CSMD1: variants seen among roughly 807,000 people sequenced by gnomAD.
The protein encoded by CSMD1 is CUB and sushi domain-containing protein 1.
A neutral mutation model predicts 417.5 loss-of-function variants in CSMD1; 213 were observed. That is an observed-to-expected ratio of 0.51 (90% CI 0.46 to 0.57). CSMD1 has a LOEUF of 0.57. Ranked by LOEUF, CSMD1 falls within the 20% of genes least tolerant of loss-of-function variation. The pLI, the probability that CSMD1 is intolerant of heterozygous loss-of-function variation, is 0.00. For missense variants in CSMD1, 6,923 were observed against 4,529.7 expected (o/e 1.53, Z -15.17); for synonymous variants, 2,862 against 1,736.8 (o/e 1.65, Z -16.11).
chr8:4,304,122 A>G (rs1358216934), intron 3 of CSMD1, among the ~76,000 whole-genome samples: 1 of 152,202 alleles, frequency 6.6e-6, no homozygotes, highest in Non-Finnish European at 1.5e-5. Context: ...ACTGTTATTT[A>G]GGCTACTATT....
chr8:4,363,705 A>T lies in CSMD1; in HGVS notation c.415+56248T>A, dbSNP rs150844706. Among the ~76,000 whole-genome samples the T allele has an allele frequency of 4.6e-5, 7 of 152,342 alleles. No individual in the cohort carries two copies. The East Asian group carries it at 1.4e-3, about 29-fold the overall frequency. On this transcript the variant is annotated intron_variant, in intron 3 of 69. Coordinates refer to ENST00000635120, the MANE Select transcript of CSMD1 (RefSeq NM_033225.6). Reference sequence around the variant, plus strand: ...TCTGTGCCTGGTTATTTCACTTAACAAAGTGACTTCTAGTTCCACCCATGT... The same window carrying T: ...TCTGTGCCTGGTTATTTCACTTAACTAAGTGACTTCTAGTTCCACCCATGT...
chr8:3,959,156 G>C (rs184760311), intron 5 of CSMD1, among the ~76,000 whole-genome samples: 141 of 152,268 alleles, frequency 9.3e-4, no homozygotes, highest in Non-Finnish European at 1.5e-3. Flanking sequence ...AGCATAATTT[G>C]AGTATAAGAA....
At chr8:4,381,870 G>A (rs919324853) in intron 3 of CSMD1, among the ~76,000 whole-genome samples, 12 of 151,992 alleles carry the variant, frequency 7.9e-5, no homozygotes, top group South Asian at 2.1e-4. Context: ...CTCTCTTTGC[G>A]GACCTTTTTG....
intron 10 of CSMD1, among the ~76,000 whole-genome samples, chr8:3,534,987 G>T (rs527799846): frequency 1.3e-5 from 2 of 152,058 alleles, no homozygotes; most frequent in Non-Finnish European, 2.9e-5. Flanking sequence ...TGGCTTTGTC[G>T]CCCAGGCTGG....
chr8:3,761,500 A>ATTTTTTTTTTTTTTTTTTTTTTTTT, intron 5 of CSMD1, among the ~76,000 whole-genome samples: 1 of 93,364 alleles, frequency 1.1e-5, no homozygotes, highest in Non-Finnish European at 2.0e-5. Context: ...CAAAACGACC[A>ATTTTTTTTTTTTTTTTTTTTTTTTT]TTTTTTTTTT....
At chr8:3,130,676 AGC>A (rs1050416921) in intron 41 of CSMD1, among the ~76,000 whole-genome samples, 1 of 151,686 alleles carries the variant, frequency 6.6e-6, no homozygotes, top group Non-Finnish European at 1.5e-5. Flanking sequence ...AACTCTTCCT[AGC>A]ACGTGCAGCC....
At chr8:4,433,265 A>G (rs542316316) in intron 2 of CSMD1, among the ~76,000 whole-genome samples, 1 of 152,190 alleles carries the variant, frequency 6.6e-6, no homozygotes, top group African/African-American at 2.4e-5. Context: ...TGACCCCGAA[A>G]CCATTTCCTC....
chr8:3,724,989 C>T (rs888168092), intron 6 of CSMD1, among the ~76,000 whole-genome samples: 3 of 152,132 alleles, frequency 2.0e-5, no homozygotes, highest in Non-Finnish European at 2.9e-5. Context: ...TGTTTGGTAT[C>T]CTAATATTTT....
rs545572913 is a variant in CSMD1, at chr8:4,608,549, A to G, written c.302+28793T>C. 7.9e-5 allele frequency among the ~76,000 whole-genome samples: 12 copies of G among 152,350 alleles called. 1 individual carries two copies. The South Asian group carries it at 2.3e-3, about 29-fold the overall frequency. ...ATAAGAGACGCCAGTACTGTCATTA[A>G]CAATTATTCTGCTCCATCGTCAAGA... On this transcript the variant is annotated intron_variant, in intron 2 of 69. Transcript: ENST00000635120.
chr8:3,412,590 C>G (rs1042153911), intron 12 of CSMD1, among the ~76,000 whole-genome samples: 2 of 152,110 alleles, frequency 1.3e-5, no homozygotes, highest in African/African-American at 2.4e-5. Flanking sequence ...AGCAGAAGAG[C>G]ACACACACAA....
intron 5 of CSMD1, among the ~76,000 whole-genome samples, chr8:3,966,220 T>C (rs78258642): frequency 0.043 from 6,486 of 152,244 alleles, 160 homozygotes; most frequent in Middle Eastern, 0.072. Context: ...TGCCAGCTTA[T>C]TGGCTAAATG....
chr8:3,295,568 C>T (rs1038975318), intron 25 of CSMD1, among the ~76,000 whole-genome samples: 1 of 152,304 alleles, frequency 6.6e-6, no homozygotes, highest in South Asian at 2.1e-4. Context: ...TTAATTTTGA[C>T]ACGTGGTACC....
At chr8:3,287,407 C>T (rs1803241049) in intron 25 of CSMD1, among the ~76,000 whole-genome samples, 1 of 152,100 alleles carries the variant, frequency 6.6e-6, no homozygotes, top group Non-Finnish European at 1.5e-5. Context: ...TGGCCATTTT[C>T]ACAATATTGA....
intron 5 of CSMD1, among the ~76,000 whole-genome samples, chr8:3,871,762 G>C (rs932602183): frequency 6.6e-6 from 1 of 152,148 alleles, no homozygotes; most frequent in Non-Finnish European, 1.5e-5. Context: ...TGGGTAAAAT[G>C]GTGGATGACA....
At chr8:3,800,421 C>T (rs1215587869) in intron 5 of CSMD1, among the ~76,000 whole-genome samples, 1 of 152,140 alleles carries the variant, frequency 6.6e-6, no homozygotes, top group East Asian at 1.9e-4. Context: ...CTGTGAAGTG[C>T]TTGAGAAATA....
At chr8:3,311,857 T>TA in intron 23 of CSMD1, among the ~76,000 whole-genome samples, 1 of 152,320 alleles carries the variant, frequency 6.6e-6, no homozygotes, top group Non-Finnish European at 1.5e-5. Context: ...ACAAATTGTT[T>TA]CAGTAGTTTA....
chr8:3,386,091 A>G (rs767735608), intron 18 of CSMD1, among the ~76,000 whole-genome samples: 15 of 152,222 alleles, frequency 9.9e-5, no homozygotes, highest in Non-Finnish European at 1.5e-4. Context: ...TGTCTAAATT[A>G]CCTTGGTGCT....
chr8:3,256,045 G>C (rs373655497), intron 26 of CSMD1, among the ~76,000 whole-genome samples: 1 of 152,132 alleles, frequency 6.6e-6, no homozygotes, highest in Non-Finnish European at 1.5e-5. Flanking sequence ...GACAATGACT[G>C]AGCCGGGTGA....
At chr8:3,779,244 A>G (rs1799050781) in intron 5 of CSMD1, among the ~76,000 whole-genome samples, 1 of 151,856 alleles carries the variant, frequency 6.6e-6, no homozygotes, top group South Asian at 2.1e-4. Context: ...CTAGAAGGTG[A>G]GGACTAGCAA....
Sources: gnomAD v4.1 joint callset for allele counts (sites outside exome capture counted in the v4.1 genomes callset) on GRCh38, gnomAD v4.1.1 for gene constraint, MANE v1.5 for transcripts, NCBI Gene and HGNC (gene_info 2026-07-23, HGNC 2026-07-21) for gene names.